TTLL3: variants seen among roughly 807,000 people sequenced by gnomAD.
TTLL3 encodes the protein tubulin monoglycylase TTLL3.
In TTLL3, 63 loss-of-function variants were observed where a neutral mutation model predicts 75.2. The observed-to-expected ratio is 0.84, with a 90% CI of 0.68 to 1.03. TTLL3 has a LOEUF of 1.03. Ranked by LOEUF, TTLL3 falls within the 50% of genes least tolerant of loss-of-function variation. TTLL3 has a pLI of 0.00. For missense variants in TTLL3, 997 were observed against 1,069.9 expected, an observed-to-expected ratio of 0.93 and a Z score of 0.95; for synonymous variants, 393 against 418.5, an observed-to-expected ratio of 0.94 and a Z score of 0.74.
At chr3:9,810,140 C>T (rs2079204658), upstream of TTLL3, 2 of 1,474,550 alleles carry the variant, frequency 1.4e-6, no homozygotes, top group African/African-American at 1.5e-5. The surrounding 1 kb of genome is among the most constrained non-coding windows in gnomAD (Gnocchi z 4.4). Flanking sequence ...CCGCTCGAGC[C>T]ACGCACCAGT....
intron 5 of TTLL3, 158 bp from the exon 6 acceptor site, chr3:9,817,487 C>T (rs2125703107): frequency 1.5e-5 from 15 of 985,246 alleles, no homozygotes; most frequent in Non-Finnish European, 1.8e-5. Flanking sequence ...CAAAGGACAC[C>T]TCCCAGGCAA....
At chr3:9,832,538 A>C (rs767649181) in intron 11 of TTLL3, among the ~76,000 whole-genome samples, 1 of 152,200 alleles carries the variant, frequency 6.6e-6, no homozygotes, top group African/African-American at 2.4e-5. Flanking sequence ...AGGGCAGGAC[A>C]TACAGCTTGG....
At chr3:9,821,003 T>G in intron 8 of TTLL3, 1 of 482,516 alleles carries the variant, frequency 2.1e-6, no homozygotes, top group South Asian at 4.5e-5. Flanking sequence ...GTTGTGTGGA[T>G]GTTAATTCTA....
intron 2 of TTLL3, among the ~76,000 whole-genome samples, chr3:9,811,786 C>T (rs1298347213): frequency 1.3e-5 from 2 of 152,236 alleles, no homozygotes; most frequent in African/African-American, 4.8e-5. Flanking sequence ...GGTCTCCCTT[C>T]AGTTCCTTCT....
rs2080142382 is a variant in TTLL3 at position 9,818,849 on chromosome 3, A to G, written c.587A>G (p.Asn196Ser). The G allele has an allele frequency of 1.2e-6, 2 of 1,614,012 alleles. No homozygotes were observed. The highest frequency in any genetic ancestry group is 2.2e-5 in the East Asian group (1 of 44,884). Reference sequence around the variant, plus strand: ...GACTTCTGGCTGACTGCTGCCCGCAACGTTCTCAAGCTGGTGGTGAAGTCT... The same window carrying G: ...GACTTCTGGCTGACTGCTGCCCGCAGCGTTCTCAAGCTGGTGGTGAAGTCT... ...IEDFWLTAAR[N>S]VLKLVVKSEW... The change falls in exon 7 of 14, where the codon AAC becomes AGC. Residue 196 changes from asparagine (N) to serine (S), a missense_variant. Coordinates refer to ENST00000685419, the MANE Select transcript of TTLL3 (RefSeq NM_001387446.1).
At chr3:9,835,065 T>A (rs1461977320) in intron 13 of TTLL3, 29 bp from the exon 14 acceptor site, 1 of 1,589,998 alleles carries the variant, frequency 6.3e-7, no homozygotes, top group Admixed American at 1.7e-5. Context: ...TCTGATCATC[T>A]CCCTCTTCTC....
At chr3:9,827,472 G>A (rs1224032226) in intron 10 of TTLL3, 9 of 630,942 alleles carry the variant, frequency 1.4e-5, no homozygotes, top group Middle Eastern at 4.7e-4. Flanking sequence ...GCATGGTCAC[G>A]GCTCACTGTA....
intron 5 of TTLL3, among the ~76,000 whole-genome samples, 183 bp downstream of exon 5, chr3:9,816,385 C>T (rs527991418): frequency 1.3e-5 from 2 of 152,236 alleles, no homozygotes; most frequent in East Asian, 1.9e-4. Flanking sequence ...GCACCGTATC[C>T]GGCATTTGTA....
intron 6 of TTLL3, 35 bp downstream of exon 6, chr3:9,817,794 G>A: frequency 6.2e-7 from 1 of 1,613,598 alleles, no homozygotes; most frequent in South Asian, 1.1e-5. Context: ...CTGAACCTCA[G>A]GCTGACAGAG....
chr3:9,818,784 C>G, intron 6 of TTLL3, 38 bp from the exon 7 acceptor site: 1 of 1,613,808 alleles, frequency 6.2e-7, no homozygotes, highest in Non-Finnish European at 8.5e-7. Flanking sequence ...GGCCTCAAGC[C>G]TAGGGGCTGA....
In TTLL3 at chr3:9,810,661, C is replaced by A; in HGVS notation, c.-1C>A. The A allele has an allele frequency of 6.3e-7, 1 of 1,584,050 alleles. No homozygotes were observed. Among genetic ancestry groups the A allele is most frequent in the Non-Finnish European group, 8.6e-7 (1 of 1,165,380 alleles). On this transcript the variant is annotated 5_prime_UTR_variant, in exon 2 of 14. Transcript: ENST00000685419. The surrounding 1 kb of genome is among the most constrained non-coding windows in gnomAD (Gnocchi z 4.4). ...GGCGAGGATCCTCCAAGGCGTCTCA[C>A]ATGAACCGGCTCAGAAACGCCAAAA...
At chr3:9,811,588 C>G (rs1490520694) in intron 2 of TTLL3, among the ~76,000 whole-genome samples, 1 of 152,190 alleles carries the variant, frequency 6.6e-6, no homozygotes, top group Non-Finnish European at 1.5e-5. Context: ...TCCATCCTGT[C>G]CCCTCATCTT....
chr3:9,835,469 G>C lies in TTLL3; in HGVS notation c.2428G>C (p.Gly810Arg). 6 of 1,603,450 alleles carry C rather than the reference G, an allele frequency of 3.7e-6. No individual in the cohort carries two copies. The highest frequency in any genetic ancestry group is 4.3e-6 in the Non-Finnish European group (5 of 1,175,782). ...GGATGGGGCGAGGCCGTGTACCCCAGGGTCCACAGCAAGAGCCTGAGGCCA... is the reference window on the plus strand; with the variant it reads ...GGATGGGGCGAGGCCGTGTACCCCACGGTCCACAGCAAGAGCCTGAGGCCA... ...RVDGARPCTP[G>R]STARA The change falls in exon 14 of 14, where the codon GGG becomes CGG. Residue 810 changes from glycine to arginine, a missense_variant. Coordinates refer to ENST00000685419, the MANE Select transcript of TTLL3 (RefSeq NM_001387446.1).
At chr3:9,815,310 C>T (rs185174393) in intron 4 of TTLL3, among the ~76,000 whole-genome samples, 64 of 151,844 alleles carry the variant, frequency 4.2e-4, no homozygotes, top group African/African-American at 1.5e-3. Flanking sequence ...ATGGGTCAAT[C>T]TCATGAGCCC....
chr3:9,821,925 C>G (rs933846270), intron 8 of TTLL3, among the ~76,000 whole-genome samples: 1 of 151,102 alleles, frequency 6.6e-6, no homozygotes, highest in Non-Finnish European at 1.5e-5. Flanking sequence ...ATCGCTTGAA[C>G]CTGGGAGTCG....
At position 9,812,926 on chromosome 3, in the gene TTLL3, C is replaced by A; in HGVS notation, c.49-17C>A. On this transcript the variant is annotated splice_polypyrimidine_tract_variant and intron_variant, in intron 2 of 13. Transcript: ENST00000685419. ...ATGCAATACTTATTGAAGAAGTATC[C>A]TTCTCTCACATTGCAGCAGAAGAAG... The A allele has an allele frequency of 6.7e-7, 1 of 1,484,404 alleles. No individual in the cohort carries two copies. 92.0% of individuals were successfully genotyped at this position (1,484,404 alleles called of 1,614,324 possible). A position where few individuals can be genotyped will look rare whatever the true frequency, so the allele number is the denominator to read the frequency against.
intron 8 of TTLL3, among the ~76,000 whole-genome samples, chr3:9,823,490 T>A (rs572257796): frequency 2.8e-4 from 1 of 3,634 alleles, no homozygotes; most frequent in African/African-American, 1.0e-3. Flanking sequence ...TAAAATACTG[T>A]TTTTTTTTTC....
intron 10 of TTLL3, 32 bp from the exon 11 acceptor site, chr3:9,828,928 C>G: frequency 1.2e-6 from 2 of 1,610,182 alleles, no homozygotes; most frequent in Non-Finnish European, 1.7e-6. Flanking sequence ...GACACAAGGG[C>G]CTGGACCTCA....
chr3:9,817,976 A>T, intron 6 of TTLL3: 1 of 592,030 alleles, frequency 1.7e-6, no homozygotes, highest in South Asian at 2.2e-5. Context: ...AAGCTTGGGT[A>T]GCTTGGCTTA....
Sources: allele counts gnomAD v4.1 joint callset (sites outside exome capture counted in the v4.1 genomes callset), GRCh38; gene constraint gnomAD v4.1.1; non-coding constraint Gnocchi (gnomAD v3.1); transcripts MANE v1.5; gene names NCBI Gene and HGNC (gene_info 2026-07-23, HGNC 2026-07-21).